The following DOK6 variants were observed in gnomAD, a reference collection of about 807,000 sequenced individuals.
DOK6 encodes downstream of tyrosine kinase 6.
A neutral mutation model predicts 44.0 loss-of-function variants in DOK6; 22 were observed. The ratio of observed to expected loss-of-function variants is 0.50; its 90% CI spans 0.36 to 0.71. The LOEUF is 0.71. Ranked by LOEUF, DOK6 falls within the 30% of genes least tolerant of loss-of-function variation. The pLI, the probability that DOK6 is intolerant of heterozygous loss-of-function variation, is 0.00. For missense variants in DOK6, 340 were observed against 416.4 expected, an observed-to-expected ratio of 0.82 and a Z score of 1.60; for synonymous variants, 166 against 145.5, an observed-to-expected ratio of 1.14 and a Z score of -1.01.
At chr18:69,454,902 A>C (rs1201870762) in intron 1 of DOK6, among the ~76,000 whole-genome samples, 1 of 126,958 alleles carries the variant, frequency 7.9e-6, no homozygotes, top group East Asian at 2.5e-4. Flanking sequence ...CCCTCTAGGG[A>C]CTGTGGTGGG....
intron 3 of DOK6, among the ~76,000 whole-genome samples, chr18:69,608,804 G>T (rs1984062734): frequency 6.6e-6 from 1 of 151,926 alleles, no homozygotes. Flanking sequence ...ACAAAAATTA[G>T]GTGGGCGTGG....
At chr18:69,485,141 C>G (rs991902253) in intron 1 of DOK6, among the ~76,000 whole-genome samples, 1 of 152,062 alleles carries the variant, frequency 6.6e-6, no homozygotes, top group South Asian at 2.1e-4. Context: ...TTGCACATCC[C>G]TTTGGGATTT....
At position 69,831,407 on chromosome 18, in the gene DOK6, G is replaced by A. The variant is rs536140799; in HGVS notation, c.857-9837G>A. ...CACACTCAGAAATAATGTTTCACCAGCTATCTGGGCATTCTTTAACCCATT... is the reference window on the plus strand; with the variant it reads ...CACACTCAGAAATAATGTTTCACCAACTATCTGGGCATTCTTTAACCCATT... On this transcript the variant is annotated intron_variant, in intron 7 of 7. Coordinates refer to ENST00000382713, the MANE Select transcript of DOK6 (RefSeq NM_152721.6). Among the ~76,000 whole-genome samples, 14 of 152,264 alleles carry A rather than the reference G, an allele frequency of 9.2e-5. No individual in the cohort carries two copies. The South Asian group carries it at 2.9e-3, about 32-fold the overall frequency.
chr18:69,427,293 C>T (rs900250201), intron 1 of DOK6, among the ~76,000 whole-genome samples: 5 of 152,042 alleles, frequency 3.3e-5, no homozygotes, highest in African/African-American at 1.2e-4. Context: ...AAACAAACTA[C>T]CACATAAAAA....
chr18:69,797,564 G>A (rs760803388), intron 7 of DOK6, among the ~76,000 whole-genome samples: 4 of 151,972 alleles, frequency 2.6e-5, no homozygotes, highest in Non-Finnish European at 5.9e-5. Context: ...AAGTATTATT[G>A]CAAATCAGAT....
chr18:69,448,432 C>T (rs547204163), intron 1 of DOK6, among the ~76,000 whole-genome samples: 11 of 152,000 alleles, frequency 7.2e-5, no homozygotes, highest in Middle Eastern at 3.2e-3. Context: ...AGTCCAATGG[C>T]GCGTTCTCAG....
intron 2 of DOK6, among the ~76,000 whole-genome samples, chr18:69,585,012 ATT>A (rs36067023): frequency 9.4e-5 from 14 of 148,866 alleles, no homozygotes; most frequent in Non-Finnish European, 4.4e-5. Flanking sequence ...TTTTGTTTAG[ATT>A]TTTTTTTCAT....
In DOK6 at chr18:69,811,612, A is replaced by G. The variant is rs544057135; in HGVS notation, c.857-29632A>G. The stretch of plus-strand genomic sequence containing the variant: ...ACGTTGTACACAATCAATATATACA[A>G]TTTTGGTTAACTAAAAGTGAATTAA... On this transcript the variant is annotated intron_variant, in intron 7 of 7. Transcript: ENST00000382713. Among the ~76,000 whole-genome samples, 12 of 142,764 alleles carry G rather than the reference A, an allele frequency of 8.4e-5. 1 individual carries two copies. The South Asian group carries it at 2.4e-3, about 29-fold the overall frequency. The allele number at this position is 142,764 out of a possible 152,430, so 93.7% of individuals were successfully genotyped here.
chr18:69,671,595 T>C (rs1985800288), intron 3 of DOK6, among the ~76,000 whole-genome samples: 1 of 152,342 alleles, frequency 6.6e-6, no homozygotes, highest in South Asian at 2.1e-4. Context: ...GAATAGATGA[T>C]ATTTTATCAT....
chr18:69,593,368 T>A (rs12326455), intron 2 of DOK6, among the ~76,000 whole-genome samples: 4,344 of 150,864 alleles, frequency 0.029, 203 homozygotes, highest in African/African-American at 0.1. Flanking sequence ...CAAGGCCCTG[T>A]CTCTTAAAAG....
At chr18:69,688,749 T>C (rs1986205658) in intron 4 of DOK6, among the ~76,000 whole-genome samples, 1 of 152,202 alleles carries the variant, frequency 6.6e-6, no homozygotes, top group South Asian at 2.1e-4. Context: ...CTCGAACTCT[T>C]GACCTCAAAT....
rs998414081 is a variant in DOK6 at position 69,740,280 on chromosome 18, A to G, written c.738+1177A>G. ...ATTTGGGTTAACTTTAAACCATTGT[A>G]ACAATTATCTAATCAACGTGATGTT... On this transcript the variant is annotated intron_variant, in intron 6 of 7. Coordinates refer to ENST00000382713, the MANE Select transcript of DOK6 (RefSeq NM_152721.6). Among the ~76,000 whole-genome samples, 6 of 152,362 alleles carry G rather than the reference A, an allele frequency of 3.9e-5. No individual in the cohort carries two copies. In the South Asian group the frequency reaches 1.2e-3, roughly 32 times the overall value.
intron 1 of DOK6, among the ~76,000 whole-genome samples, chr18:69,540,158 G>T (rs1599181061): frequency 6.6e-6 from 1 of 152,264 alleles, no homozygotes; most frequent in South Asian, 2.1e-4. Context: ...GGATTATGGG[G>T]ATTACAGTTC....
chr18:69,622,627 A>C (rs1984468197), intron 3 of DOK6, among the ~76,000 whole-genome samples: 1 of 152,224 alleles, frequency 6.6e-6, no homozygotes, highest in Admixed American at 6.5e-5. Context: ...AGATGTCAGC[A>C]GAAAATTAGA....
At chr18:69,703,203 A>G (rs1986560111) in intron 5 of DOK6, among the ~76,000 whole-genome samples, 3 of 152,216 alleles carry the variant, frequency 2.0e-5, no homozygotes, top group Non-Finnish European at 4.4e-5. Flanking sequence ...TGATTTTAAA[A>G]CATTGAAAAC....
intron 1 of DOK6, among the ~76,000 whole-genome samples, chr18:69,557,992 G>A (rs1239590864): frequency 8.5e-5 from 13 of 152,086 alleles, no homozygotes. Context: ...CTCATGGGAG[G>A]CAAATAAAAA....
rs143603972 is a variant in DOK6, at chr18:69,580,401, G to A, written c.174+15807G>A. On this transcript the variant is annotated intron_variant, in intron 2 of 7. Coordinates refer to ENST00000382713, the MANE Select transcript of DOK6 (RefSeq NM_152721.6). ...CAGCACGGCACATCAAATCCTTCTC[G>A]TGCTTTGGATCTCTGACTTCCGTTT... Among the ~76,000 whole-genome samples, 837 of 152,210 alleles carry A rather than the reference G, an allele frequency of 5.5e-3. 13 individuals carry two copies. Among genetic ancestry groups the A allele is most frequent in the African/African-American group, 0.019 (788 of 41,520 alleles).
chr18:69,841,507 G>T lies in DOK6; in HGVS notation c.*124G>T. 7.5e-7 allele frequency: 1 copy of T among 1,340,824 alleles called. No homozygotes were observed. The highest frequency in any genetic ancestry group is 9.9e-7 in the Non-Finnish European group (1 of 1,010,494). 83.1% of individuals were successfully genotyped at this position (1,340,824 alleles called of 1,614,324 possible). On this transcript the variant is annotated 3_prime_UTR_variant, in exon 8 of 8. Transcript: ENST00000382713. Reference sequence around the variant, plus strand: ...TTGAAATGGGTCGGCTCTAGCCCCAGTCCCATTGGAAGGTTAAAAACTGGA... The same window carrying T: ...TTGAAATGGGTCGGCTCTAGCCCCATTCCCATTGGAAGGTTAAAAACTGGA...
Position 69,778,639 on chromosome 18 carries a change from A to T in DOK6, c.856+20766A>T, listed in dbSNP as rs369425905. On this transcript the variant is annotated intron_variant, in intron 7 of 7. Transcript: ENST00000382713. ...TGAAATGTACTTATTCTGAGCATGA[A>T]AGGAGGGAAGGTGTGTGTGAGGAAG... is the stretch of plus-strand genomic sequence containing the variant. 1.7e-4 allele frequency among the ~76,000 whole-genome samples: 26 copies of T among 152,288 alleles called. No individual in the cohort carries two copies. In the East Asian group the frequency reaches 5.0e-3, roughly 29 times the overall value.
Sources: allele counts gnomAD v4.1 joint callset (sites outside exome capture counted in the v4.1 genomes callset), GRCh38; gene constraint gnomAD v4.1.1; transcripts MANE v1.5; gene names NCBI Gene and HGNC (gene_info 2026-07-23, HGNC 2026-07-21).